Variants in SPTBN1 observed in about 807,000 individuals in gnomAD.
The protein encoded by SPTBN1 is spectrin beta, non-erythrocytic 1, also known as spectrin beta chain, non-erythrocytic 1.
SPTBN1 carries 32 observed loss-of-function variants against 266.4 expected under a neutral mutation model. The ratio of observed to expected loss-of-function variants is 0.12; its 90% CI spans 0.09 to 0.16. The LOEUF is 0.16. SPTBN1 is among the 10% of genes least tolerant of loss of function. SPTBN1 has a pLI of 1.00. For missense variants in SPTBN1, 2,296 were observed against 3,067.1 expected (o/e 0.75, Z 5.94); for synonymous variants, 1,336 against 1,162.2 (o/e 1.15, Z -3.04).
chr2:54,463,671 A>G (rs1443121302), intron 1 of SPTBN1, among the ~76,000 whole-genome samples: 1 of 152,262 alleles, frequency 6.6e-6, no homozygotes, highest in African/African-American at 2.4e-5. Flanking sequence ...TTTAATGATT[A>G]TAAAATGTGG....
In SPTBN1 at chr2:54,653,956, C is replaced by A; in HGVS notation, c.5822+103C>A. ...AGCCTTGAAAGCGTTCCTGCCTGAGCGCTTCAAGGCCAGAGTGGGGGTGGG... is the reference window on the plus strand; with the variant it reads ...AGCCTTGAAAGCGTTCCTGCCTGAGAGCTTCAAGGCCAGAGTGGGGGTGGG... On this transcript the variant is annotated intron_variant, in intron 27 of 35. Transcript: ENST00000356805. This position sits in a 1 kb window ranked among gnomAD's most constrained non-coding sequence, Gnocchi z 5.1. 2 of 1,508,642 alleles carry A rather than the reference C, an allele frequency of 1.3e-6. No individual in the cohort carries two copies. The highest frequency in any genetic ancestry group is 2.6e-5 in the South Asian group (2 of 76,936). 93.5% of individuals were successfully genotyped at this position (1,508,642 alleles called of 1,614,324 possible). A position where few individuals can be genotyped will look rare whatever the true frequency, so the allele number is the denominator to read the frequency against.
rs1678470834 is a variant in SPTBN1 at position 54,628,047 on chromosome 2, A to T, written c.1645-50A>T. On this transcript the variant is annotated intron_variant, in intron 12 of 35. Transcript: ENST00000356805. The surrounding 1 kb of genome is among the most constrained non-coding windows in gnomAD (Gnocchi z 4.3). ...CTTGTCGAAAGATGATGTGATGCTG[A>T]AGTCAAGGCTATAGTCACAGATGTC... 2.6e-6 allele frequency: 4 copies of T among 1,550,292 alleles called. No individual in the cohort carries two copies. Among genetic ancestry groups the T allele is most frequent in the Non-Finnish European group, 3.5e-6 (4 of 1,146,140 alleles).
rs1283581781 is a variant in SPTBN1 at position 54,457,167 on chromosome 2, C to G, written c.-48+649C>G. On this transcript the variant is annotated intron_variant, in intron 1 of 35. Coordinates refer to ENST00000356805, the MANE Select transcript of SPTBN1 (RefSeq NM_003128.3). ...CTCGTGCGCCCGCCCCCCCCCCGCC[C>G]TTTCTGCCGTCCCCACTCTCCCAGG... is the stretch of plus-strand genomic sequence containing the variant. 2.8e-4 allele frequency: 40 copies of G among 143,244 alleles called. 2 individuals carry two copies. Among genetic ancestry groups the G allele is most frequent in the African/African-American group, 1.0e-3 (39 of 38,554 alleles). The allele number at this position is 143,244 out of a possible 1,614,324, so 8.9% of individuals were successfully genotyped here.
At chr2:54,618,876 C>T (rs1297971451) in intron 7 of SPTBN1, among the ~76,000 whole-genome samples, 9 of 152,318 alleles carry the variant, frequency 5.9e-5, no homozygotes, top group Non-Finnish European at 1.0e-4. Context: ...TCCCTCTTTA[C>T]TCTGTGAGTC....
rs867902827 is a variant in SPTBN1 at position 54,646,915 on chromosome 2, C to T, written c.4867-216C>T. On this transcript the variant is annotated intron_variant, in intron 23 of 35. Coordinates refer to ENST00000356805, the MANE Select transcript of SPTBN1 (RefSeq NM_003128.3). The surrounding 1 kb of genome is among the most constrained non-coding windows in gnomAD (Gnocchi z 4.4). ...TCTGAGAGGGGCCCTGCTCATTCTG[C>T]GTTCTCCTTGTGTTTATCTTCTGCA... Among the ~76,000 whole-genome samples, 3 of 152,174 alleles carry T rather than the reference C, an allele frequency of 2.0e-5. No homozygotes were observed. The highest frequency in any genetic ancestry group is 2.0e-4 in the Admixed American group (3 of 15,280).
At chr2:54,622,196 T>G in intron 8 of SPTBN1, 104 bp from the exon 9 acceptor site, 2 of 1,292,156 alleles carry the variant, frequency 1.5e-6, no homozygotes, top group Non-Finnish European at 2.2e-6. Context: ...GCCAAACTGT[T>G]TCAAAGCCGG....
chr2:54,659,782 A>G (rs1680915100), intron 31 of SPTBN1, among the ~76,000 whole-genome samples, 154 bp from the exon 32 acceptor site: 1 of 152,174 alleles, frequency 6.6e-6, no homozygotes, highest in Non-Finnish European at 1.5e-5. Context: ...GTCTATTTAA[A>G]ACACTTGGAA....
Position 54,664,924 on chromosome 2 carries a change from G to GTAC in SPTBN1, c.6659+235_6659+236insCTA. The GTAC allele has an allele frequency of 1.9e-6, 1 of 519,724 alleles. No individual in the cohort carries two copies. Among genetic ancestry groups the GTAC allele is most frequent in the Non-Finnish European group, 3.4e-6 (1 of 289,980 alleles). The allele number at this position is 519,724 out of a possible 1,614,324, so 32.2% of individuals were successfully genotyped here. A position where few individuals can be genotyped will look rare whatever the true frequency, so the allele number is the denominator to read the frequency against. ...ATGGGAGTAGCTAGAAGGGGCTTTA[G>GTAC]TAGTTCATCTAGAGAAGGAATTTGC... is the stretch of plus-strand genomic sequence containing the variant. On this transcript the variant is annotated intron_variant, in intron 33 of 35. Transcript: ENST00000356805. This position sits in a 1 kb window ranked among gnomAD's most constrained non-coding sequence, Gnocchi z 5.6.
intron 4 of SPTBN1, among the ~76,000 whole-genome samples, chr2:54,614,046 G>T (rs1471818040): frequency 6.6e-6 from 1 of 152,160 alleles, no homozygotes. Flanking sequence ...CTTCCTGCCA[G>T]TTTGCATATT....
At chr2:54,636,946 C>T (rs750971192) in intron 17 of SPTBN1, among the ~76,000 whole-genome samples, 2 of 152,316 alleles carry the variant, frequency 1.3e-5, no homozygotes, top group Non-Finnish European at 2.9e-5. Context: ...TAGGCATTCA[C>T]GCTGCTATTT....
chr2:54,579,877 C>G (rs531477490), intron 2 of SPTBN1, among the ~76,000 whole-genome samples: 4 of 152,338 alleles, frequency 2.6e-5, no homozygotes, highest in African/African-American at 7.2e-5. Context: ...ACTGTATTGA[C>G]TTTGGAAACA....
At position 54,533,912 on chromosome 2, in the gene SPTBN1, A is replaced by T. The variant is rs1051343089; in HGVS notation, c.148+7346A>T. 1.8e-4 allele frequency among the ~76,000 whole-genome samples: 27 copies of T among 150,542 alleles called. No individual in the cohort carries two copies. The highest frequency in any genetic ancestry group is 3.8e-4 in the Non-Finnish European group (26 of 67,868). On this transcript the variant is annotated intron_variant, in intron 2 of 35. Transcript: ENST00000356805. The surrounding 1 kb of genome is among the most constrained non-coding windows in gnomAD (Gnocchi z 4.2). ...CTCTGTCTCTCTCTCACACACACAC[A>T]CACACACACACACACGCACGCACGC...
intron 1 of SPTBN1, among the ~76,000 whole-genome samples, chr2:54,480,736 G>A (rs1333850549): frequency 6.6e-6 from 1 of 152,158 alleles, no homozygotes; most frequent in Admixed American, 6.5e-5. Context: ...AGGCCAAGAT[G>A]AAAAAGAATT....
At chr2:54,635,944 T>A (rs937060890) in intron 17 of SPTBN1, among the ~76,000 whole-genome samples, 1 of 152,254 alleles carries the variant, frequency 6.6e-6, no homozygotes, top group Non-Finnish European at 1.5e-5. Context: ...AATCTTTTAT[T>A]TTTTTAAATT....
rs771173668 is a variant in SPTBN1 at position 54,526,574 on chromosome 2, C to T, written c.148+8C>T. On this transcript the variant is annotated splice_region_variant and intron_variant, in intron 2 of 35. Coordinates refer to ENST00000356805, the MANE Select transcript of SPTBN1 (RefSeq NM_003128.3). ...GCATCAAGGCTCTGGCAGGTGAGTC[C>T]TTCACACCTGTCACAGAGGCCCAGG... The T allele has an allele frequency of 6.2e-7, 1 of 1,611,060 alleles. No homozygotes were observed. The highest frequency in any genetic ancestry group is 8.5e-7 in the Non-Finnish European group (1 of 1,178,204).
chr2:54,660,614 G>T, intron 32 of SPTBN1: 2 of 985,542 alleles, frequency 2.0e-6, no homozygotes, highest in Non-Finnish European at 2.4e-6. Flanking sequence ...ACAAAAAAGG[G>T]AGTCAGATAT....
At chr2:54,506,063 G>T (rs1669535066) in intron 1 of SPTBN1, among the ~76,000 whole-genome samples, 1 of 152,066 alleles carries the variant, frequency 6.6e-6, no homozygotes, top group Admixed American at 6.5e-5. Flanking sequence ...GGTGGAGCTT[G>T]CAGTGAGCCA....
At position 54,615,122 on chromosome 2, in the gene SPTBN1, A is replaced by G. The variant is rs1440435422; in HGVS notation, c.475-1085A>G. ...ACTCAGGCTTCACCTTCTTAACACA[A>G]TTAAAAATAGAGAATTTTTTTTTAA... is the stretch of plus-strand genomic sequence containing the variant. On this transcript the variant is annotated intron_variant, in intron 4 of 35. Transcript: ENST00000356805. Among the ~76,000 whole-genome samples the G allele has an allele frequency of 3.3e-5, 3 of 90,960 alleles. No individual in the cohort carries two copies. The East Asian group carries it at 6.8e-4, about 21-fold the overall frequency. The allele number at this position is 90,960 out of a possible 152,430, so 59.7% of individuals were successfully genotyped here.
intron 1 of SPTBN1, among the ~76,000 whole-genome samples, chr2:54,500,058 T>A (rs893126636): frequency 6.6e-6 from 1 of 152,260 alleles, no homozygotes; most frequent in African/African-American, 2.4e-5. Flanking sequence ...AGGATTTGTT[T>A]TGTGTTTTTC....
Sources: allele counts gnomAD v4.1 joint callset (sites outside exome capture counted in the v4.1 genomes callset), GRCh38; gene constraint gnomAD v4.1.1; non-coding constraint Gnocchi (gnomAD v3.1); transcripts MANE v1.5; gene names NCBI Gene and HGNC (gene_info 2026-07-23, HGNC 2026-07-21).